The following TOP6BL variants were observed in gnomAD, a reference collection of about 807,000 sequenced individuals.
The protein encoded by TOP6BL is type 2 DNA topoisomerase 6 subunit B-like.
the TOP6BL span, among the ~76,000 whole-genome samples, chr11:66,771,992 A>G: frequency 1.3e-5 from 2 of 152,232 alleles, no homozygotes; most frequent in Non-Finnish European, 2.9e-5. Flanking sequence ...AGTAGAGTCA[A>G]TTAAAAACCT....
At chr11:66,783,415 A>G in the TOP6BL span, among the ~76,000 whole-genome samples, 1 of 152,218 alleles carries the variant, frequency 6.6e-6, no homozygotes. Context: ...AAGTAAGTAA[A>G]AGAGTCCAGA....
the TOP6BL span, chr11:66,788,157 C>G: frequency 6.2e-7 from 1 of 1,600,616 alleles, no homozygotes; most frequent in Non-Finnish European, 8.6e-7. Flanking sequence ...TCTTCTCACA[C>G]AGAAATACAG....
the TOP6BL span, among the ~76,000 whole-genome samples, chr11:66,778,791 CATG>C: frequency 1.3e-5 from 2 of 152,146 alleles, no homozygotes; most frequent in African/African-American, 4.8e-5. Context: ...ACCAAAACAG[CATG>C]ATACTGGTAC....
chr11:66,786,785 A>G, the TOP6BL span, among the ~76,000 whole-genome samples: 32 of 152,210 alleles, frequency 2.1e-4, 1 homozygote, highest in Admixed American at 4.6e-4. Flanking sequence ...GACGTAAGAC[A>G]TCCTGGTTTA....
At chr11:66,788,936 T>C in the TOP6BL span, among the ~76,000 whole-genome samples, 1 of 152,124 alleles carries the variant, frequency 6.6e-6, no homozygotes, top group Non-Finnish European at 1.5e-5. Context: ...GGTGTATCTT[T>C]TTATAAGGAC....
At chr11:66,777,837 A>T in the TOP6BL span, among the ~76,000 whole-genome samples, 44 of 152,216 alleles carry the variant, frequency 2.9e-4, no homozygotes, top group South Asian at 8.7e-3. Context: ...ACACCACTGC[A>T]CTCCAACCTG....
At chr11:66,788,289 T>C in the TOP6BL span, 1 of 1,458,424 alleles carries the variant, frequency 6.9e-7, no homozygotes, top group Non-Finnish European at 9.6e-7. Flanking sequence ...GTTGTGGTCT[T>C]ATAAATTACT....
At chr11:66,765,203 G>A in the TOP6BL span, among the ~76,000 whole-genome samples, 1 of 152,142 alleles carries the variant, frequency 6.6e-6, no homozygotes, top group Non-Finnish European at 1.5e-5. Context: ...TCATTTATGG[G>A]TTATCATTTA....
the TOP6BL span, among the ~76,000 whole-genome samples, chr11:66,776,065 CTT>C: frequency 6.9e-6 from 1 of 145,466 alleles, no homozygotes. Context: ...TATATGGCTT[CTT>C]TTTTTTTTTG....
chr11:66,803,042 A>C, the TOP6BL span, among the ~76,000 whole-genome samples: 5 of 152,214 alleles, frequency 3.3e-5, no homozygotes, highest in East Asian at 7.7e-4. Context: ...AAAGTAACAA[A>C]ATTTTACTAG....
At chr11:66,781,997 A>G in the TOP6BL span, among the ~76,000 whole-genome samples, 17 of 152,296 alleles carry the variant, frequency 1.1e-4, no homozygotes, top group Admixed American at 9.2e-4. Context: ...CTAGTAGGCT[A>G]TGCACCTTGA....
At chr11:66,816,240 A>G in the TOP6BL span, 1 of 1,579,436 alleles carries the variant, frequency 6.3e-7, no homozygotes, top group Non-Finnish European at 8.6e-7. Flanking sequence ...GGGTGTGCCA[A>G]ATGCTAAGAG....
At chr11:66,784,517 C>T in the TOP6BL span, among the ~76,000 whole-genome samples, 14 of 152,200 alleles carry the variant, frequency 9.2e-5, no homozygotes, top group Non-Finnish European at 1.9e-4. Context: ...AAAAAGAAAC[C>T]GTGTACTCAT....
chr11:66,762,510 C>T, the TOP6BL span: 30 of 238,590 alleles, frequency 1.3e-4, no homozygotes, highest in East Asian at 4.7e-3. Context: ...CGCTCTGTCG[C>T]CCAGGCTAGA....
chr11:66,770,338 C>G, the TOP6BL span, among the ~76,000 whole-genome samples: 3 of 152,246 alleles, frequency 2.0e-5, no homozygotes, highest in African/African-American at 7.2e-5. Flanking sequence ...TAAAAAGATA[C>G]ACACATGGCC....
At chr11:66,761,159 C>T in the TOP6BL span, among the ~76,000 whole-genome samples, 1 of 152,066 alleles carries the variant, frequency 6.6e-6, no homozygotes, top group African/African-American at 2.4e-5. Context: ...ATCACGAGGT[C>T]AGGAGATCGA....
the TOP6BL span, among the ~76,000 whole-genome samples, chr11:66,755,688 T>C: frequency 4.1e-4 from 62 of 152,306 alleles, no homozygotes; most frequent in Non-Finnish European, 4.7e-4. Context: ...TTTCTCACAG[T>C]TCTGGAGGCT....
At chr11:66,843,051 C>T in the TOP6BL span, 2 of 1,563,296 alleles carry the variant, frequency 1.3e-6, no homozygotes, top group South Asian at 1.2e-5. Context: ...GCAGGGCGAG[C>T]CTCGGAAGCC....
chr11:66,775,999 T>TGGG, the TOP6BL span, among the ~76,000 whole-genome samples: 2 of 152,116 alleles, frequency 1.3e-5, no homozygotes, highest in African/African-American at 2.4e-5. Flanking sequence ...ATCCTCTATA[T>TGGG]GGGCACTCAA....
Sources: gnomAD v4.1 joint callset for allele counts (sites outside exome capture counted in the v4.1 genomes callset) on GRCh38, gnomAD v4.1.1 for gene constraint, MANE v1.5 for transcripts, NCBI Gene and HGNC (gene_info 2026-07-23, HGNC 2026-07-21) for gene names.